GRID2: variants seen among roughly 807,000 people sequenced by gnomAD.
The protein encoded by GRID2 is glutamate receptor ionotropic, delta-2.
GRID2 carries 33 observed loss-of-function variants against 114.8 expected under a neutral mutation model. The observed-to-expected ratio is 0.29, with a 90% CI of 0.22 to 0.38. The LOEUF is 0.38. GRID2 is among the 10% of genes least tolerant of loss of function. GRID2 has a pLI of 1.00. For missense variants in GRID2, 1,184 were observed against 1,257.7 expected (o/e 0.94, Z 0.89); for synonymous variants, 505 against 449.9 (o/e 1.12, Z -1.55).
At chr4:93,707,716 T>G (rs983942599) in intron 14 of GRID2, among the ~76,000 whole-genome samples, 1 of 151,982 alleles carries the variant, frequency 6.6e-6, no homozygotes. Context: ...TTATTATTTC[T>G]TTCCTCTTAC....
In GRID2 at chr4:92,444,800, A is replaced by G. The variant is rs915483974; in HGVS notation, c.88+140056A>G. Reference sequence around the variant, plus strand: ...GCACATGTGGACAGTGGGTTTACTTAGATGTTTATTTTTGCCCTTACATAT... The same window carrying G: ...GCACATGTGGACAGTGGGTTTACTTGGATGTTTATTTTTGCCCTTACATAT... On this transcript the variant is annotated intron_variant, in intron 1 of 15. Transcript: ENST00000282020. Among the ~76,000 whole-genome samples the G allele has an allele frequency of 1.5e-3, 225 of 152,334 alleles. 3 individuals are homozygous for G. The highest frequency in any genetic ancestry group is 2.1e-4 in the Non-Finnish European group (14 of 68,040).
intron 14 of GRID2, among the ~76,000 whole-genome samples, chr4:93,664,690 C>T (rs758550202): frequency 2.0e-5 from 3 of 152,034 alleles, no homozygotes; most frequent in African/African-American, 2.4e-5. Flanking sequence ...GGACGTGGGA[C>T]GTTTGAAGCT....
intron 2 of GRID2, among the ~76,000 whole-genome samples, chr4:93,076,163 G>T (rs1439286377): frequency 6.6e-6 from 1 of 152,052 alleles, no homozygotes; most frequent in African/African-American, 2.4e-5. Context: ...CTCCCAAAGT[G>T]CTGGGATTAC....
rs1293512910 is a variant in GRID2, at chr4:93,337,551, ATCTT to A, written c.1246-58054_1246-58051del. Among the ~76,000 whole-genome samples the A allele has an allele frequency of 2.6e-5, 4 of 152,134 alleles. No homozygotes were observed. In the South Asian group the frequency reaches 6.2e-4, roughly 24 times the overall value. On this transcript the variant is annotated intron_variant, in intron 8 of 15. Transcript: ENST00000282020. ...GCTCTTTGCTTCGAAGGGAGACACTATCTTTATTATATTGGATAGCAAGCAAACC... is the reference window on the plus strand; with the variant it reads ...GCTCTTTGCTTCGAAGGGAGACACTATATTATATTGGATAGCAAGCAAACC...
At chr4:92,763,178 A>C (rs1050927726) in intron 2 of GRID2, among the ~76,000 whole-genome samples, 3 of 152,166 alleles carry the variant, frequency 2.0e-5, no homozygotes, top group African/African-American at 7.2e-5. Context: ...GAACTTAATA[A>C]AGATCTTTTA....
intron 2 of GRID2, among the ~76,000 whole-genome samples, chr4:92,870,306 TCTC>T (rs1206662719): frequency 6.6e-6 from 1 of 151,918 alleles, no homozygotes; most frequent in East Asian, 1.9e-4. Flanking sequence ...TCTCTCTCTC[TCTC>T]ATTTAGAATG....
chr4:92,807,113 T>C (rs1740457192), intron 2 of GRID2, among the ~76,000 whole-genome samples: 1 of 152,088 alleles, frequency 6.6e-6, no homozygotes, highest in African/African-American at 2.4e-5. Flanking sequence ...TCAGGTTATA[T>C]GATCATGCCT....
Position 93,178,380 on chromosome 4 carries a change from A to ATTTTTTTT in GRID2, c.736-29001_736-28994dup, listed in dbSNP as rs11428288. ...CTTATATTGTTTTCCTTGAAAATAG[A>ATTTTTTTT]TTTTTTTTTTTTTTTTTTTTTTTTT... On this transcript the variant is annotated intron_variant, in intron 4 of 15. Coordinates refer to ENST00000282020, the MANE Select transcript of GRID2 (RefSeq NM_001510.4). Among the ~76,000 whole-genome samples the ATTTTTTTT allele has an allele frequency of 2.0e-4, 10 of 50,332 alleles. 1 individual carries two copies. The highest frequency in any genetic ancestry group is 3.7e-4 in the Admixed American group (1 of 2,678). 33.0% of individuals were successfully genotyped at this position (50,332 alleles called of 152,430 possible). A position where few individuals can be genotyped will look rare whatever the true frequency, so the allele number is the denominator to read the frequency against.
intron 11 of GRID2, among the ~76,000 whole-genome samples, chr4:93,478,401 A>G (rs1725527322): frequency 1.3e-5 from 2 of 152,014 alleles, no homozygotes; most frequent in Non-Finnish European, 2.9e-5. Flanking sequence ...AACTGCTGGT[A>G]TTAAGTCTGA....
At chr4:93,789,956 G>A (rs1450529778) in intron 1 of GRID2, among the ~76,000 whole-genome samples, 3 of 152,232 alleles carry the variant, frequency 2.0e-5, no homozygotes, top group African/African-American at 7.2e-5. Flanking sequence ...GATTCTCATA[G>A]GAGTGTGACC....
chr4:93,630,637 T>C (rs1204616637), intron 14 of GRID2, among the ~76,000 whole-genome samples: 1 of 152,172 alleles, frequency 6.6e-6, no homozygotes, highest in East Asian at 1.9e-4. Flanking sequence ...GTGTTCCAAG[T>C]TGCATGGAGA....
At chr4:92,468,527 C>T (rs1007668518) in intron 1 of GRID2, among the ~76,000 whole-genome samples, 4 of 151,910 alleles carry the variant, frequency 2.6e-5, no homozygotes, top group Admixed American at 2.0e-4. Context: ...TTTTAAAAAA[C>T]TTAATTAAAC....
intron 1 of GRID2, among the ~76,000 whole-genome samples, chr4:92,559,257 A>G (rs1727004008): frequency 1.3e-5 from 2 of 152,180 alleles, no homozygotes; most frequent in African/African-American, 4.8e-5. Flanking sequence ...TCAGACTATC[A>G]AATATTGATA....
In GRID2 at chr4:93,739,545, A is replaced by G. The variant is rs79414803; in HGVS notation, c.2361-29665A>G. ...CCCATTTTTAAAGGGATAACTATTTAGACATATTGTCCTTGGTCTAATCAC... is the reference window on the plus strand; with the variant it reads ...CCCATTTTTAAAGGGATAACTATTTGGACATATTGTCCTTGGTCTAATCAC... On this transcript the variant is annotated intron_variant, in intron 14 of 15. Transcript: ENST00000282020. Among the ~76,000 whole-genome samples the G allele has an allele frequency of 5.4e-3, 826 of 152,246 alleles. 9 individuals are homozygous for G. Among genetic ancestry groups the G allele is most frequent in the African/African-American group, 0.019 (778 of 41,548 alleles).
chr4:93,156,180 A>T (rs1737169723), intron 4 of GRID2, among the ~76,000 whole-genome samples: 1 of 151,832 alleles, frequency 6.6e-6, no homozygotes, highest in Non-Finnish European at 1.5e-5. Flanking sequence ...CAGTGCCTGG[A>T]ACACAGTGTT....
intron 1 of GRID2, among the ~76,000 whole-genome samples, chr4:92,442,169 T>C (rs539478440): frequency 1.4e-5 from 2 of 144,028 alleles, no homozygotes; most frequent in South Asian, 2.3e-4. Flanking sequence ...GAGAGTTACC[T>C]GAAGCTTGGC....
chr4:93,296,617 A>G (rs1754339318), intron 8 of GRID2, among the ~76,000 whole-genome samples: 1 of 152,172 alleles, frequency 6.6e-6, no homozygotes, highest in South Asian at 2.1e-4. Context: ...AACATATATG[A>G]TTACAGTTTC....
intron 2 of GRID2, among the ~76,000 whole-genome samples, chr4:92,928,930 C>T (rs765551842): frequency 1.2e-4 from 18 of 151,368 alleles, no homozygotes; most frequent in Non-Finnish European, 2.2e-4. Context: ...CTAGTAAAAG[C>T]AATGAGCTAA....
At chr4:92,451,739 A>G (rs1484725285) in intron 1 of GRID2, among the ~76,000 whole-genome samples, 1 of 152,170 alleles carries the variant, frequency 6.6e-6, no homozygotes, top group Non-Finnish European at 1.5e-5. Context: ...GAACATTCAG[A>G]TTAAGAAAAC....
Sources: gnomAD v4.1 joint callset for allele counts (sites outside exome capture counted in the v4.1 genomes callset) on GRCh38, gnomAD v4.1.1 for gene constraint, MANE v1.5 for transcripts, NCBI Gene and HGNC (gene_info 2026-07-23, HGNC 2026-07-21) for gene names.